TENT4B: variants seen among roughly 807,000 people sequenced by gnomAD.
TENT4B encodes PAP associated domain containing 5.
In TENT4B, 10 loss-of-function variants were observed where a neutral mutation model predicts 75.0. The ratio of observed to expected loss-of-function variants is 0.13; its 90% CI spans 0.08 to 0.23. The LOEUF (loss-of-function observed/expected upper bound fraction) is 0.23. Among genes scored for constraint, TENT4B ranks in the 10% least tolerant of loss-of-function variants. TENT4B has a pLI of 1.00. For synonymous variants in TENT4B, 350 were observed against 357.7 expected (o/e 0.98, Z 0.24); for missense variants, 579 against 893.8 (o/e 0.65, Z 4.49).
intron 1 of TENT4B, among the ~76,000 whole-genome samples, chr16:50,176,494 CTTTTTTTTTTT>C (rs34067223): frequency 1.1e-4 from 6 of 53,094 alleles, no homozygotes; most frequent in Non-Finnish European, 1.5e-4. Flanking sequence ...ACCAATAATT[CTTTTTTTTTTT>C]TTTTTTTTTT....
intron 1 of TENT4B, among the ~76,000 whole-genome samples, chr16:50,174,953 G>A (rs1277028683): frequency 6.6e-5 from 10 of 151,868 alleles, no homozygotes; most frequent in Non-Finnish European, 1.0e-4. Context: ...ATCTTAGCCA[G>A]ACTGGTCTTG....
At chr16:50,203,825 A>G (rs2030796002) in intron 1 of TENT4B, among the ~76,000 whole-genome samples, 3 of 152,202 alleles carry the variant, frequency 2.0e-5, no homozygotes, top group Admixed American at 2.0e-4. Context: ...TGAGTCCTGC[A>G]TCTGGGCACA....
chr16:50,214,121 A>T, intron 2 of TENT4B, 100 bp from the exon 3 acceptor site: 1 of 883,942 alleles, frequency 1.1e-6, no homozygotes, highest in Non-Finnish European at 1.8e-6. Flanking sequence ...AAGTACCAGT[A>T]GAGGGTAGCA....
intron 1 of TENT4B, among the ~76,000 whole-genome samples, chr16:50,188,181 C>T (rs897619141): frequency 1.4e-4 from 21 of 152,210 alleles, no homozygotes; most frequent in Admixed American, 3.9e-4. Context: ...CCAGTTGCTC[C>T]TCTCATTGTG....
chr16:50,196,202 T>G (rs915403307), intron 1 of TENT4B, among the ~76,000 whole-genome samples: 1 of 152,182 alleles, frequency 6.6e-6, no homozygotes, highest in Non-Finnish European at 1.5e-5. Context: ...TTATAGAAAA[T>G]ATCTGAAATG....
At chr16:50,181,383 A>G (rs1471994987) in intron 1 of TENT4B, among the ~76,000 whole-genome samples, 3 of 147,740 alleles carry the variant, frequency 2.0e-5, no homozygotes, top group Non-Finnish European at 4.5e-5. Flanking sequence ...CAGTGGTGTG[A>G]TCTTGGCTCA....
chr16:50,192,383 C>T (rs992850489), intron 1 of TENT4B, among the ~76,000 whole-genome samples: 1 of 152,092 alleles, frequency 6.6e-6, no homozygotes, highest in Admixed American at 6.6e-5. Flanking sequence ...TACCATAGTG[C>T]ACTTCTAAAA....
intron 1 of TENT4B, among the ~76,000 whole-genome samples, chr16:50,174,508 A>G (rs1373225869): frequency 6.6e-6 from 1 of 152,226 alleles, no homozygotes; most frequent in African/African-American, 2.4e-5. Context: ...ATATTTTGAT[A>G]CATGCATACA....
chr16:50,166,780 A>ATTTTTT (rs57856238), intron 1 of TENT4B, among the ~76,000 whole-genome samples: 16 of 115,280 alleles, frequency 1.4e-4, no homozygotes, highest in Non-Finnish European at 2.0e-4. Context: ...TGCCTGGCTA[A>ATTTTTT]TTTTTTTTTT....
intron 4 of TENT4B, 37 bp downstream of exon 4, chr16:50,216,232 T>G: frequency 6.2e-7 from 1 of 1,609,896 alleles, no homozygotes; most frequent in Non-Finnish European, 8.5e-7. Flanking sequence ...AATCCTTAGT[T>G]ATTTACCTAT....
chr16:50,190,042 C>G (rs1567493459), intron 1 of TENT4B, among the ~76,000 whole-genome samples: 2 of 147,144 alleles, frequency 1.4e-5, no homozygotes, highest in African/African-American at 2.6e-5. Flanking sequence ...TGCCACTGCA[C>G]TCCAGCCTAG....
In TENT4B at chr16:50,230,148, T is replaced by C. The variant is rs573321291; in HGVS notation, c.*820T>C. 1.4e-5 allele frequency: 14 copies of C among 985,138 alleles called. No homozygotes were observed. The African/African-American group carries it at 2.3e-4, about 16-fold the overall frequency. 61.0% of individuals were successfully genotyped at this position (985,138 alleles called of 1,614,324 possible). A position where few individuals can be genotyped will look rare whatever the true frequency, so the allele number is the denominator to read the frequency against. On this transcript the variant is annotated 3_prime_UTR_variant, in exon 12 of 12. Coordinates refer to ENST00000561678, the MANE Select transcript of TENT4B (RefSeq NM_001365324.3). ...AAAAAAAAAAATGTACTATGTACTTTTGTGTAAACACTGAAAAATCTCTGG... is the reference window on the plus strand; with the variant it reads ...AAAAAAAAAAATGTACTATGTACTTCTGTGTAAACACTGAAAAATCTCTGG...
intron 1 of TENT4B, among the ~76,000 whole-genome samples, chr16:50,160,706 G>A (rs143324851): frequency 2.4e-3 from 358 of 152,314 alleles, no homozygotes; most frequent in African/African-American, 8.1e-3. Flanking sequence ...TAGACGTCAT[G>A]GCAGTGGTTA....
intron 1 of TENT4B, among the ~76,000 whole-genome samples, chr16:50,194,198 T>C (rs1276343980): frequency 3.4e-5 from 5 of 148,196 alleles, no homozygotes; most frequent in African/African-American, 2.4e-5. Context: ...TTTTCTGTTC[T>C]TTCTTTCTCT....
At chr16:50,197,121 A>G (rs541991251) in intron 1 of TENT4B, among the ~76,000 whole-genome samples, 29 of 151,674 alleles carry the variant, frequency 1.9e-4, no homozygotes, top group Admixed American at 7.3e-4. Context: ...AAAAAAACAA[A>G]AAACAAAAAA....
rs1244170274 is a variant in TENT4B at position 50,232,014 on chromosome 16, A to G, written c.*2686A>G. The G allele has an allele frequency of 1.0e-6, 1 of 985,150 alleles. No homozygotes were observed. Among genetic ancestry groups the G allele is most frequent in the Non-Finnish European group, 1.2e-6 (1 of 829,782 alleles). 61.0% of individuals were successfully genotyped at this position (985,150 alleles called of 1,614,324 possible). On this transcript the variant is annotated 3_prime_UTR_variant, in exon 12 of 12. Coordinates refer to ENST00000561678, the MANE Select transcript of TENT4B (RefSeq NM_001365324.3). ...TAATACTTGTTGAATGGGATTTTAC[A>G]AATTCTCCCTCACTCTGGTGACATT...
chr16:50,187,763 G>A (rs1227643361), intron 1 of TENT4B, among the ~76,000 whole-genome samples: 1 of 151,944 alleles, frequency 6.6e-6, no homozygotes, highest in African/African-American at 2.4e-5. Flanking sequence ...GGTGGCTCAT[G>A]CTTGTAATTG....
At chr16:50,176,080 G>T (rs2038302115) in intron 1 of TENT4B, among the ~76,000 whole-genome samples, 1 of 150,866 alleles carries the variant, frequency 6.6e-6, no homozygotes, top group Non-Finnish European at 1.5e-5. Flanking sequence ...ACTCAGCCCA[G>T]CCAATATAAT....
chr16:50,154,128 G>T lies in TENT4B; in HGVS notation c.507G>T (p.Thr169=). Residue 169 remains threonine (T), a synonymous_variant, in exon 1 of 12, where the codon ACG becomes ACT. Transcript: ENST00000561678. ...NKRKRDNKAS[T]YGLNYSLLQP... ...GGAAGCGCGACAACAAGGCCAGCACGTATGGACTCAACTACAGCCTGCTGC... is the reference window on the plus strand; with the variant it reads ...GGAAGCGCGACAACAAGGCCAGCACTTATGGACTCAACTACAGCCTGCTGC... 6.5e-7 allele frequency: 1 copy of T among 1,529,412 alleles called. No homozygotes were observed. The highest frequency in any genetic ancestry group is 8.7e-7 in the Non-Finnish European group (1 of 1,144,306). The allele number at this position is 1,529,412 out of a possible 1,614,324, so 94.7% of individuals were successfully genotyped here. A position where few individuals can be genotyped will look rare whatever the true frequency, so the allele number is the denominator to read the frequency against.
Sources: gnomAD v4.1 joint callset for allele counts (sites outside exome capture counted in the v4.1 genomes callset) on GRCh38, gnomAD v4.1.1 for gene constraint, MANE v1.5 for transcripts, NCBI Gene and HGNC (gene_info 2026-07-23, HGNC 2026-07-21) for gene names.